Variants in RPH3A observed in about 807,000 individuals in gnomAD.
The protein encoded by RPH3A is rabphilin 3A.
A neutral mutation model predicts 102.2 loss-of-function variants in RPH3A; 48 were observed. The observed-to-expected ratio is 0.47, with a 90% CI of 0.37 to 0.60. The LOEUF (loss-of-function observed/expected upper bound fraction) is 0.60, where lower values mean the gene tolerates loss of function less well. Ranked by LOEUF, RPH3A falls within the 20% of genes least tolerant of loss-of-function variation. The pLI is 0.00. For missense variants in RPH3A, 781 were observed against 910.1 expected (o/e 0.86, Z 1.83); for synonymous variants, 310 against 324.3 (o/e 0.96, Z 0.47).
intron 1 of RPH3A, among the ~76,000 whole-genome samples, chr12:112,691,728 T>A (rs1310987612): frequency 6.6e-6 from 1 of 152,180 alleles, no homozygotes; most frequent in Non-Finnish European, 1.5e-5. Context: ...TCTCATTAAA[T>A]GAGATAAGGC....
intron 1 of RPH3A, among the ~76,000 whole-genome samples, chr12:112,679,767 A>G (rs2136015580): frequency 6.6e-6 from 1 of 152,336 alleles, no homozygotes; most frequent in Non-Finnish European, 1.5e-5. Context: ...GGGGTTTGTC[A>G]TACAAGGGTG....
intron 1 of RPH3A, among the ~76,000 whole-genome samples, chr12:112,639,647 A>G (rs1003736140): frequency 1.3e-5 from 2 of 152,158 alleles, no homozygotes; most frequent in Non-Finnish European, 2.9e-5. Flanking sequence ...TTGAAATGAA[A>G]GTTGAAGGGA....
chr12:112,868,042 A>C, intron 7 of RPH3A: 1 of 169,598 alleles, frequency 5.9e-6, no homozygotes, highest in Non-Finnish European at 1.3e-5. Context: ...GTCTTGGGGA[A>C]GTTGTAGGTA....
At chr12:112,825,713 A>C (rs7139170) in intron 2 of RPH3A, among the ~76,000 whole-genome samples, 58,791 of 151,988 alleles carry the variant, frequency 0.39, 12,843 homozygotes, top group African/African-American at 0.6. Flanking sequence ...GAGATTAAGC[A>C]GTGAACAAAA....
intron 17 of RPH3A, among the ~76,000 whole-genome samples, chr12:112,889,377 T>C (rs1241677801): frequency 2.0e-5 from 3 of 152,182 alleles, no homozygotes; most frequent in African/African-American, 7.2e-5. Flanking sequence ...CCCAGAGACA[T>C]GGAGGTGCAG....
At chr12:112,694,650 GCACACACACA>G (rs71086119) in intron 1 of RPH3A, among the ~76,000 whole-genome samples, 3 of 98,544 alleles carry the variant, frequency 3.0e-5, no homozygotes, top group Non-Finnish European at 6.4e-5. Context: ...GCGCGCACAC[GCACACACACA>G]CACACACACA....
chr12:112,591,398 G>T (rs535758157), intron 1 of RPH3A, among the ~76,000 whole-genome samples: 1 of 152,216 alleles, frequency 6.6e-6, no homozygotes, highest in Non-Finnish European at 1.5e-5. Flanking sequence ...CCTGCAGAGC[G>T]CCATTCTATG....
At chr12:112,810,090 T>A (rs1472518295) in intron 2 of RPH3A, among the ~76,000 whole-genome samples, 1 of 152,226 alleles carries the variant, frequency 6.6e-6, no homozygotes, top group Non-Finnish European at 1.5e-5. Context: ...TCTCGATTCC[T>A]CAGACTCCAA....
intron 2 of RPH3A, among the ~76,000 whole-genome samples, chr12:112,826,172 C>T (rs567896422): frequency 6.6e-6 from 1 of 152,246 alleles, no homozygotes; most frequent in Non-Finnish European, 1.5e-5. Flanking sequence ...TAGGAATAAA[C>T]CTACACGAAG....
intron 12 of RPH3A, 49 bp from the exon 13 acceptor site, chr12:112,876,593 T>C (rs775086045): frequency 7.3e-7 from 1 of 1,362,802 alleles, no homozygotes; most frequent in Admixed American, 2.4e-5. Context: ...GTGCTGCTGT[T>C]ATGAAACAGG....
At chr12:112,621,024 G>A (rs1185131153) in intron 1 of RPH3A, among the ~76,000 whole-genome samples, 1 of 114,832 alleles carries the variant, frequency 8.7e-6, no homozygotes, top group Admixed American at 8.6e-5. Context: ...TTTTTTTTTT[G>A]TAGAGATAGG....
chr12:112,871,710 A>G (rs547019649), intron 10 of RPH3A, among the ~76,000 whole-genome samples: 1 of 150,012 alleles, frequency 6.7e-6, no homozygotes, highest in African/African-American at 2.4e-5. Context: ...GTGTATATAT[A>G]TATACACACA....
At position 112,775,235 on chromosome 12, in the gene RPH3A, A is replaced by T. The variant is rs530339628; in HGVS notation, c.-139-16908A>T. ...TAAAAACAAAAACAAAAAATCAAAA[A>T]AAAGTTTGGAAAAAACCACAGGCTA... On this transcript the variant is annotated intron_variant, in intron 1 of 21. Coordinates refer to the RPH3A transcript ENST00000543106. 1.8e-4 allele frequency among the ~76,000 whole-genome samples: 28 copies of T among 152,354 alleles called. No homozygotes were observed. In the South Asian group the frequency reaches 5.0e-3, roughly 27 times the overall value.
intron 1 of RPH3A, among the ~76,000 whole-genome samples, chr12:112,663,365 A>G (rs2040063198): frequency 6.6e-6 from 1 of 151,776 alleles, no homozygotes; most frequent in Admixed American, 6.6e-5. Context: ...GTGTGTTACC[A>G]TGCCTGACTA....
intron 1 of RPH3A, among the ~76,000 whole-genome samples, chr12:112,741,458 T>G (rs1346228827): frequency 2.0e-5 from 3 of 152,218 alleles, no homozygotes; most frequent in Non-Finnish European, 4.4e-5. Context: ...TCCCTCCCAC[T>G]AGAATTCCTT....
At chr12:112,712,360 G>A (rs901807745) in intron 1 of RPH3A, among the ~76,000 whole-genome samples, 3 of 152,126 alleles carry the variant, frequency 2.0e-5, no homozygotes, top group African/African-American at 7.2e-5. Flanking sequence ...ATAGGAAACT[G>A]TCCCTTTGTA....
intron 13 of RPH3A, 152 bp downstream of exon 13, chr12:112,877,018 G>A (rs919599424): frequency 2.4e-5 from 12 of 505,688 alleles, no homozygotes; most frequent in South Asian, 4.4e-5. Context: ...TAGAAGTACA[G>A]ATTTGTGTTT....
intron 1 of RPH3A, among the ~76,000 whole-genome samples, chr12:112,583,454 C>T (rs568265562): frequency 1.3e-5 from 2 of 152,094 alleles, no homozygotes; most frequent in East Asian, 1.9e-4. Flanking sequence ...CCTCTCCTTG[C>T]CCCCATATTT....
intron 2 of RPH3A, among the ~76,000 whole-genome samples, chr12:112,806,884 G>T (rs2041475694): frequency 6.6e-6 from 1 of 152,100 alleles, no homozygotes; most frequent in Non-Finnish European, 1.5e-5. Context: ...AAAGAAATTT[G>T]ACCTAATCTT....
Sources: allele counts gnomAD v4.1 joint callset (sites outside exome capture counted in the v4.1 genomes callset), GRCh38; gene constraint gnomAD v4.1.1; transcripts MANE v1.5; gene names NCBI Gene and HGNC (gene_info 2026-07-23, HGNC 2026-07-21).